The following ZFAND3 variants were observed in gnomAD, a reference collection of about 807,000 sequenced individuals.
ZFAND3 encodes the protein AN1-type zinc finger protein 3.
A neutral mutation model predicts 29.6 loss-of-function variants in ZFAND3; 10 were observed. The observed-to-expected ratio is 0.34, with a 90% CI of 0.21 to 0.57. The LOEUF is 0.57. Ranked by LOEUF, ZFAND3 falls within the 20% of genes least tolerant of loss-of-function variation. The probability of loss-of-function intolerance (pLI) is 0.86; values close to 1 mark genes in which losing one functional copy is unlikely to be tolerated. For synonymous variants in ZFAND3, 128 were observed against 112.6 expected (o/e 1.14, Z -0.87); for missense variants, 230 against 304.5 (o/e 0.76, Z 1.82).
intron 2 of ZFAND3, among the ~76,000 whole-genome samples, chr6:38,024,470 C>CA (rs34123545): frequency 0.36 from 40,292 of 112,426 alleles, 6,537 homozygotes; most frequent in East Asian, 0.56. Context: ...GACTCCGTCT[C>CA]AAAAAAAAAA....
intron 1 of ZFAND3, among the ~76,000 whole-genome samples, chr6:37,912,949 T>C (rs192389753): frequency 1.8e-4 from 27 of 152,362 alleles, no homozygotes; most frequent in Non-Finnish European, 2.9e-5. Context: ...ATAAAAGTTA[T>C]GTTTATACCA....
intron 2 of ZFAND3, among the ~76,000 whole-genome samples, chr6:37,951,788 A>G (rs1258019713): frequency 6.6e-6 from 1 of 152,020 alleles, no homozygotes; most frequent in Non-Finnish European, 1.5e-5. Flanking sequence ...CAAGGGAAAT[A>G]CTTCTAGTTT....
At chr6:37,987,905 T>G (rs752537298) in intron 2 of ZFAND3, among the ~76,000 whole-genome samples, 12 of 152,184 alleles carry the variant, frequency 7.9e-5, no homozygotes, top group Non-Finnish European at 1.5e-4. Flanking sequence ...ATATCCTCTT[T>G]AAAATAAGCT....
intron 2 of ZFAND3, among the ~76,000 whole-genome samples, chr6:37,996,261 T>G (rs1762847962): frequency 6.6e-6 from 1 of 152,244 alleles, no homozygotes; most frequent in Admixed American, 6.5e-5. Flanking sequence ...GCTGTAAGAT[T>G]ATATTGATAG....
intron 1 of ZFAND3, among the ~76,000 whole-genome samples, chr6:37,922,595 C>T (rs920368524): frequency 6.6e-6 from 1 of 152,160 alleles, no homozygotes; most frequent in African/African-American, 2.4e-5. Flanking sequence ...AAATGTTGAA[C>T]ATCATAGAGT....
chr6:37,855,214 G>A (rs1001292191), intron 1 of ZFAND3, among the ~76,000 whole-genome samples: 10 of 148,426 alleles, frequency 6.7e-5, no homozygotes, highest in Admixed American at 2.0e-4. Flanking sequence ...GTGCCGTCTC[G>A]TCTCACGGCA....
intron 2 of ZFAND3, among the ~76,000 whole-genome samples, chr6:37,985,527 A>ACACCCCCCCC (rs753070737): frequency 1.4e-5 from 2 of 141,760 alleles, no homozygotes; most frequent in South Asian, 2.2e-4. Context: ...ACACACACAC[A>ACACCCCCCCC]CCCCCACACA....
chr6:37,977,770 G>GTT (rs1213067308), intron 2 of ZFAND3, among the ~76,000 whole-genome samples: 4,366 of 108,734 alleles, frequency 0.04, 393 homozygotes, highest in Non-Finnish European at 0.064. Flanking sequence ...GGTTTGCTGA[G>GTT]TTTTTTGTTT....
chr6:37,821,808 A>T (rs1042311390), intron 1 of ZFAND3, among the ~76,000 whole-genome samples: 1 of 152,234 alleles, frequency 6.6e-6, no homozygotes, highest in Non-Finnish European at 1.5e-5. Flanking sequence ...TTAGAAACTA[A>T]GGAAATGGAA....
chr6:38,128,496 C>A (rs1765679365), intron 5 of ZFAND3, among the ~76,000 whole-genome samples: 1 of 152,180 alleles, frequency 6.6e-6, no homozygotes, highest in African/African-American at 2.4e-5. Context: ...CCCACCCTTT[C>A]CCCCTGAGTC....
chr6:38,144,563 A>G (rs867293300), intron 5 of ZFAND3, among the ~76,000 whole-genome samples: 3 of 152,218 alleles, frequency 2.0e-5, no homozygotes, highest in Admixed American at 6.5e-5. Context: ...GCGTGCTGCC[A>G]CCTCGGGCTG....
chr6:38,108,533 G>A (rs916303102), intron 4 of ZFAND3, among the ~76,000 whole-genome samples: 8 of 152,294 alleles, frequency 5.3e-5, no homozygotes, highest in South Asian at 2.1e-4. Flanking sequence ...TCTAAAGGCC[G>A]AAGAATCTGG....
chr6:37,889,628 T>C (rs1007363366), intron 1 of ZFAND3, among the ~76,000 whole-genome samples: 4 of 152,228 alleles, frequency 2.6e-5, no homozygotes, highest in Admixed American at 2.6e-4. Flanking sequence ...GTAAATGCAT[T>C]AGCCTGTGAG....
chr6:38,104,957 T>C (rs1193624311), intron 4 of ZFAND3, among the ~76,000 whole-genome samples: 3 of 152,174 alleles, frequency 2.0e-5, no homozygotes, highest in African/African-American at 7.2e-5. Flanking sequence ...GGATATATAG[T>C]AGTTAAGAGC....
At chr6:37,831,202 C>G (rs1763854019) in intron 1 of ZFAND3, among the ~76,000 whole-genome samples, 1 of 152,180 alleles carries the variant, frequency 6.6e-6, no homozygotes, top group East Asian at 1.9e-4. Context: ...GCCACAGAGC[C>G]TGGTCATGGT....
At chr6:37,886,276 A>AAAAAAAAAAAAAAAC in intron 1 of ZFAND3, among the ~76,000 whole-genome samples, 1 of 121,626 alleles carries the variant, frequency 8.2e-6, no homozygotes, top group Admixed American at 8.2e-5. Flanking sequence ...AAAAAAAAAA[A>AAAAAAAAAAAAAAAC]AAAAAGTTCA....
chr6:38,081,741 A>G (rs1361104577), intron 3 of ZFAND3, among the ~76,000 whole-genome samples: 1 of 152,028 alleles, frequency 6.6e-6, no homozygotes, highest in Non-Finnish European at 1.5e-5. Flanking sequence ...TCACCCAACA[A>G]CTATATCTCT....
intron 1 of ZFAND3, among the ~76,000 whole-genome samples, chr6:37,879,259 T>C (rs975283408): frequency 3.9e-5 from 6 of 152,214 alleles, no homozygotes; most frequent in Admixed American, 3.9e-4. Flanking sequence ...ATGCTTAATA[T>C]CACTTCTTTG....
intron 1 of ZFAND3, among the ~76,000 whole-genome samples, chr6:37,893,623 G>A (rs1280093933): frequency 2.0e-5 from 3 of 152,032 alleles, no homozygotes; most frequent in Non-Finnish European, 4.4e-5. Context: ...GCACAATCTC[G>A]GCTCACTGCA....
Sources: allele counts gnomAD v4.1 joint callset (sites outside exome capture counted in the v4.1 genomes callset), GRCh38; gene constraint gnomAD v4.1.1; transcripts MANE v1.5; gene names NCBI Gene and HGNC (gene_info 2026-07-23, HGNC 2026-07-21).